The following C2orf92 variants were observed in gnomAD, a reference collection of about 807,000 sequenced individuals.
The protein encoded by C2orf92 is uncharacterized protein C2orf92.
At chr2:97,684,068 C>A (rs1274089128) in intron 3 of C2orf92, among the ~76,000 whole-genome samples, 15 of 143,988 alleles carry the variant, frequency 1.0e-4, no homozygotes, top group Admixed American at 1.4e-4. Flanking sequence ...CGGAGTCTCA[C>A]TCTGTCGCCC....
At chr2:97,699,434 A>G (rs1289648361) in intron 6 of C2orf92, among the ~76,000 whole-genome samples, 1 of 152,128 alleles carries the variant, frequency 6.6e-6, no homozygotes, top group Non-Finnish European at 1.5e-5. Context: ...CGTCTCTACT[A>G]AAAATACAAA....
At chr2:97,689,181 GC>G (rs1355396403) in intron 4 of C2orf92, among the ~76,000 whole-genome samples, 188 bp downstream of exon 4, 3 of 152,168 alleles carry the variant, frequency 2.0e-5, no homozygotes, top group Non-Finnish European at 4.4e-5. Context: ...TGGAATCTGT[GC>G]TCCAAAGTGT....
intron 3 of C2orf92, among the ~76,000 whole-genome samples, chr2:97,682,770 A>G (rs1229466124): frequency 6.9e-6 from 1 of 143,960 alleles, no homozygotes; most frequent in African/African-American, 2.8e-5. Flanking sequence ...TTCATGATTG[A>G]AAAAAAAAAC....
intron 5 of C2orf92, among the ~76,000 whole-genome samples, chr2:97,692,799 T>G (rs1346385061): frequency 6.6e-6 from 1 of 152,246 alleles, no homozygotes; most frequent in Non-Finnish European, 1.5e-5. Context: ...TAATCTTGAA[T>G]GGTTGCTGGA....
upstream of C2orf92, chr2:97,667,977 C>T (rs1675292411): frequency 6.6e-6 from 1 of 152,120 alleles, no homozygotes; most frequent in Non-Finnish European, 1.5e-5. Context: ...ACGCTTTCAG[C>T]ATTTGCAAAC....
intron 2 of C2orf92, among the ~76,000 whole-genome samples, chr2:97,675,179 T>G (rs1675536378): frequency 6.6e-6 from 1 of 152,208 alleles, no homozygotes; most frequent in African/African-American, 2.4e-5. Flanking sequence ...AAGGTGGACA[T>G]CATGTGAATT....
At chr2:97,670,442 T>C (rs188966605) in intron 1 of C2orf92, 10 of 151,676 alleles carry the variant, frequency 6.6e-5, no homozygotes, top group African/African-American at 2.4e-4. Flanking sequence ...CAGTAAGCCG[T>C]GATCACACCA....
upstream of C2orf92, among the ~76,000 whole-genome samples, chr2:97,667,289 A>G (rs187454042): frequency 0.011 from 1,543 of 140,394 alleles, 34 homozygotes; most frequent in African/African-American, 0.037. Flanking sequence ...TTTTGAGACA[A>G]TCTTTCTCTG....
chr2:97,679,768 C>G (rs1348538087), intron 3 of C2orf92, among the ~76,000 whole-genome samples: 2 of 143,266 alleles, frequency 1.4e-5, no homozygotes, highest in African/African-American at 5.1e-5. Flanking sequence ...ACCCAGGAGG[C>G]GGAGGTTGCC....
At chr2:97,676,654 C>T (rs1675595748) in intron 3 of C2orf92, among the ~76,000 whole-genome samples, 1 of 151,746 alleles carries the variant, frequency 6.6e-6, no homozygotes, top group Admixed American at 6.6e-5. Flanking sequence ...TGCCTGTGGT[C>T]CCAGCTACTC....
At chr2:97,701,382 G>A (rs1213226885) in intron 7 of C2orf92, 78 bp downstream of exon 7, 1 of 395,742 alleles carries the variant, frequency 2.5e-6, no homozygotes, top group African/African-American at 2.1e-5. Context: ...GCTTCCTGCT[G>A]ATCTGGTTTA....
chr2:97,684,936 A>ATT (rs141197635), intron 3 of C2orf92, among the ~76,000 whole-genome samples: 43 of 150,378 alleles, frequency 2.9e-4, no homozygotes, highest in Admixed American at 4.6e-4. Context: ...TTTTATTTTT[A>ATT]TTTTTATTTT....
At chr2:97,667,654 G>C (rs904825895), upstream of C2orf92, among the ~76,000 whole-genome samples, 1 of 151,900 alleles carries the variant, frequency 6.6e-6, no homozygotes, top group Non-Finnish European at 1.5e-5. Context: ...GGATGATCTC[G>C]ATCTCCTGAC....
chr2:97,674,529 A>C lies in C2orf92; in HGVS notation c.120A>C (p.Arg40Ser), dbSNP rs1199457972. 5.0e-6 allele frequency: 2 copies of C among 398,522 alleles called. No homozygotes were observed. The highest frequency in any genetic ancestry group is 8.8e-6 in the Non-Finnish European group (2 of 226,074). The allele number at this position is 398,522 out of a possible 1,614,324, so 24.7% of individuals were successfully genotyped here. A position where few individuals can be genotyped will look rare whatever the true frequency, so the allele number is the denominator to read the frequency against. ...TTGATGAAACAAGAACAGCAGTCAG[A>C]TCCATTACAAAGAGAGACACACAAA... ...PSFDETRTAV[R>S]SITKRDTQKS... The change falls in exon 2 of 8, where the codon AGA (arginine) becomes AGC (serine). Residue 40 changes from arginine (R) to serine (S), a missense_variant. Arg to Ser is a moderately radical substitution (Grantham distance 110, BLOSUM62 -1). Transcript: ENST00000627399.
intron 3 of C2orf92, among the ~76,000 whole-genome samples, 191 bp from the exon 4 acceptor site, chr2:97,688,704 A>G (rs190287631): frequency 1.2e-4 from 18 of 152,188 alleles, no homozygotes; most frequent in Admixed American, 1.2e-3. Flanking sequence ...AGACATCACA[A>G]TTTTCCGGAA....
intron 3 of C2orf92, among the ~76,000 whole-genome samples, chr2:97,676,609 C>A (rs560266095): frequency 1.3e-5 from 2 of 151,384 alleles, no homozygotes; most frequent in African/African-American, 4.9e-5. Flanking sequence ...CCCCCCTCCC[C>A]GACACACGAC....
At chr2:97,700,049 A>G (rs2104607304) in intron 6 of C2orf92, among the ~76,000 whole-genome samples, 1 of 152,284 alleles carries the variant, frequency 6.6e-6, no homozygotes, top group Admixed American at 6.5e-5. Context: ...TCATACCTCC[A>G]TGCCTGATTT....
At chr2:97,687,638 T>TC (rs944954310) in intron 3 of C2orf92, among the ~76,000 whole-genome samples, 2 of 149,816 alleles carry the variant, frequency 1.3e-5, no homozygotes, top group African/African-American at 2.5e-5. Context: ...CGCTGATGCT[T>TC]CCCCCCGGGT....
At chr2:97,667,163 A>G (rs1443499988), upstream of C2orf92, 1 of 152,146 alleles carries the variant, frequency 6.6e-6, no homozygotes, top group Non-Finnish European at 1.5e-5. Flanking sequence ...ACATATCAGG[A>G]CACATTGCTA....
Sources: allele counts gnomAD v4.1 joint callset (sites outside exome capture counted in the v4.1 genomes callset), GRCh38; gene constraint gnomAD v4.1.1; transcripts MANE v1.5; gene names NCBI Gene and HGNC (gene_info 2026-07-23, HGNC 2026-07-21).